The following TPRG1 variants were observed in gnomAD, a reference collection of about 807,000 sequenced individuals.
TPRG1 encodes the protein tumor protein p63-regulated gene 1 protein.
A neutral mutation model predicts 29.3 loss-of-function variants in TPRG1; 29 were observed. The observed-to-expected ratio is 0.99, with a 90% CI of 0.74 to 1.35. The LOEUF (loss-of-function observed/expected upper bound fraction) is 1.35, where lower values mean the gene tolerates loss of function less well. Ranked by LOEUF, TPRG1 falls within the 40% of genes most tolerant of loss-of-function variation. The pLI is 0.00. For synonymous variants in TPRG1, 130 were observed against 116.8 expected (o/e 1.11, Z -0.73); for missense variants, 327 against 335.0 (o/e 0.98, Z 0.19).
intron 4 of TPRG1, among the ~76,000 whole-genome samples, chr3:189,077,231 A>G (rs1717238172): frequency 6.6e-6 from 1 of 152,190 alleles, no homozygotes; most frequent in Non-Finnish European, 1.5e-5. Flanking sequence ...AGCAATGTTT[A>G]TGGTATATTA....
chr3:189,319,706 T>A (rs567152525), intron 5 of TPRG1, among the ~76,000 whole-genome samples: 2 of 152,226 alleles, frequency 1.3e-5, no homozygotes, highest in South Asian at 2.1e-4. Context: ...CTAGGATTAT[T>A]ATTATTTGTA....
chr3:189,184,986 G>C (rs1458084941), intron 1 of TPRG1, among the ~76,000 whole-genome samples: 1 of 152,180 alleles, frequency 6.6e-6, no homozygotes, highest in East Asian at 1.9e-4. Context: ...AAGTCTGTCT[G>C]TCCCAGTGGG....
chr3:189,056,095 T>C (rs935547983), intron 4 of TPRG1, among the ~76,000 whole-genome samples: 1 of 138,286 alleles, frequency 7.2e-6, no homozygotes, highest in African/African-American at 2.7e-5. Context: ...CTTCCTTCCT[T>C]CCTTCCCTCT....
At chr3:189,272,117 A>T (rs1334447655) in intron 4 of TPRG1, among the ~76,000 whole-genome samples, 1 of 152,230 alleles carries the variant, frequency 6.6e-6, no homozygotes, top group Non-Finnish European at 1.5e-5. Context: ...CTTGATGGGA[A>T]AAACACAGTG....
intron 2 of TPRG1, among the ~76,000 whole-genome samples, chr3:189,128,628 T>G (rs1313151687): frequency 6.6e-6 from 1 of 152,222 alleles, no homozygotes; most frequent in Non-Finnish European, 1.5e-5. Flanking sequence ...TATCTCATTT[T>G]GACCTCATAT....
At chr3:189,192,609 A>T (rs1357904979) in intron 1 of TPRG1, among the ~76,000 whole-genome samples, 1 of 152,194 alleles carries the variant, frequency 6.6e-6, no homozygotes, top group Non-Finnish European at 1.5e-5. Context: ...TTATTGATGG[A>T]TGAGAATTTA....
chr3:189,115,407 T>C (rs531394464), intron 1 of TPRG1, among the ~76,000 whole-genome samples: 75 of 152,334 alleles, frequency 4.9e-4, no homozygotes, highest in African/African-American at 1.8e-3. Context: ...GCAATAGCTA[T>C]AGGCTTTGAT....
chr3:189,311,994 C>G (rs1236010585), intron 5 of TPRG1, among the ~76,000 whole-genome samples: 1 of 152,058 alleles, frequency 6.6e-6, no homozygotes, highest in Admixed American at 6.5e-5. Flanking sequence ...TCTAGAAGTT[C>G]TTATTAATAA....
chr3:189,121,102 A>C (rs954793109), intron 1 of TPRG1, among the ~76,000 whole-genome samples: 7 of 152,244 alleles, frequency 4.6e-5, no homozygotes, highest in African/African-American at 1.7e-4. Context: ...TTAGAGGATA[A>C]AACCAAAACA....
chr3:189,107,190 T>C (rs1378606783), intron 1 of TPRG1, among the ~76,000 whole-genome samples: 1 of 152,104 alleles, frequency 6.6e-6, no homozygotes, highest in African/African-American at 2.4e-5. Context: ...ACTTCTTTTC[T>C]TTAGGTGACC....
chr3:189,230,140 T>A (rs890460089), intron 3 of TPRG1, among the ~76,000 whole-genome samples: 12 of 152,174 alleles, frequency 7.9e-5, no homozygotes, highest in African/African-American at 2.9e-4. Context: ...TCAGTGGTCT[T>A]GTGGGAAAGA....
intron 3 of TPRG1, among the ~76,000 whole-genome samples, chr3:189,231,943 T>TGTGTGTGTGTGTGTG (rs1738717835): frequency 6.8e-6 from 1 of 147,588 alleles, no homozygotes; most frequent in African/African-American, 2.5e-5. Flanking sequence ...CAAACCTGGT[T>TGTGTGTGTGTGTGTG]TGTGTGTGTG....
At chr3:189,106,016 C>A (rs1293830137) in intron 1 of TPRG1, among the ~76,000 whole-genome samples, 3 of 151,942 alleles carry the variant, frequency 2.0e-5, no homozygotes, top group African/African-American at 4.8e-5. Context: ...ATGTAACAAA[C>A]CTGCACATCC....
intron 4 of TPRG1, chr3:189,309,864 A>G (rs374090565): frequency 6.6e-6 from 1 of 152,388 alleles, no homozygotes; most frequent in African/African-American, 2.4e-5. Flanking sequence ...AATAGAGGAC[A>G]ATGAGATTCA....
chr3:189,275,529 G>T lies in TPRG1; in HGVS notation c.480-34857G>T, dbSNP rs75253383. On this transcript the variant is annotated intron_variant, in intron 4 of 5. Coordinates refer to ENST00000345063, the MANE Select transcript of TPRG1 (RefSeq NM_198485.4). ...GTGGGAAGTTGGGATGTGAAGAAAG[G>T]GTTAGAGGGAAAGGCTATTCCAGGG... Among the ~76,000 whole-genome samples the T allele has an allele frequency of 3.8e-3, 582 of 152,268 alleles. 3 individuals carry two copies. Among genetic ancestry groups the T allele is most frequent in the African/African-American group, 0.013 (531 of 41,556 alleles).
At chr3:189,011,476 T>A (rs1343731382) in intron 3 of TPRG1, among the ~76,000 whole-genome samples, 1 of 152,184 alleles carries the variant, frequency 6.6e-6, no homozygotes, top group Non-Finnish European at 1.5e-5. Context: ...GAACTCATAG[T>A]ACCATGTGGC....
At chr3:189,206,559 G>T (rs1230339107) in intron 1 of TPRG1, among the ~76,000 whole-genome samples, 1 of 148,428 alleles carries the variant, frequency 6.7e-6, no homozygotes, top group Non-Finnish European at 1.5e-5. Flanking sequence ...GGAGTGCAGT[G>T]GCATGATCTT....
chr3:189,014,939 A>C (rs914035674), intron 3 of TPRG1, among the ~76,000 whole-genome samples: 1 of 152,216 alleles, frequency 6.6e-6, no homozygotes. Flanking sequence ...CACTGTTATA[A>C]AGATACTTGA....
chr3:189,098,586 T>C (rs1718847233), upstream of TPRG1, among the ~76,000 whole-genome samples: 1 of 151,990 alleles, frequency 6.6e-6, no homozygotes, highest in Non-Finnish European at 1.5e-5. Context: ...GTTCAGAGGT[T>C]TTTTTTTCCC....
Sources: gnomAD v4.1 joint callset for allele counts (sites outside exome capture counted in the v4.1 genomes callset) on GRCh38, gnomAD v4.1.1 for gene constraint, MANE v1.5 for transcripts, NCBI Gene and HGNC (gene_info 2026-07-23, HGNC 2026-07-21) for gene names.